TRRAP: variants seen among roughly 807,000 people sequenced by gnomAD.
TRRAP encodes transformation/transcription domain-associated protein.
In TRRAP, 41 loss-of-function variants were observed where a neutral mutation model predicts 438.8. The observed-to-expected ratio is 0.09, with a 90% CI of 0.07 to 0.12. TRRAP has a LOEUF of 0.12. TRRAP is among the 10% of genes least tolerant of loss of function. The pLI is 1.00. For missense variants in TRRAP, 3,122 were observed against 5,055.1 expected (o/e 0.62, Z 11.60); for synonymous variants, 1,994 against 1,962.9 (o/e 1.02, Z -0.42).
At chr7:98,879,777 C>T (rs1002405809) in intron 1 of TRRAP, among the ~76,000 whole-genome samples, 1 of 152,168 alleles carries the variant, frequency 6.6e-6, no homozygotes, top group Non-Finnish European at 1.5e-5. Context: ...ATGCTCTCTG[C>T]ATGGAAGAAG....
In TRRAP at chr7:98,915,753, A is replaced by G. The variant is rs1415048370; in HGVS notation, c.2230A>G (p.Met744Val). Residue 744 changes from methionine (M) to valine (V), a missense_variant, in exon 19 of 73, where the codon ATG becomes GTG. Transcript: ENST00000456197. ...PHLHKIVNSS[M>V]ELAQTAKEPY... Reference sequence around the variant, plus strand: ...CTTGCACAAGATTGTGAACAGCTCTATGGAGCTCGCGCAGACTGCCAAGGA... The same window carrying G: ...CTTGCACAAGATTGTGAACAGCTCTGTGGAGCTCGCGCAGACTGCCAAGGA... 6 of 1,613,938 alleles carry G rather than the reference A, an allele frequency of 3.7e-6. No homozygotes were observed. Among genetic ancestry groups the G allele is most frequent in the African/African-American group, 1.3e-5 (1 of 74,910 alleles).
chr7:98,995,498 G>T (rs1793611365), intron 67 of TRRAP, among the ~76,000 whole-genome samples: 1 of 152,068 alleles, frequency 6.6e-6, no homozygotes, highest in Non-Finnish European at 1.5e-5. Context: ...TATTTTCAAT[G>T]CTTGTCTGTA....
intron 67 of TRRAP, chr7:98,999,757 G>A: frequency 1.6e-6 from 1 of 631,634 alleles, no homozygotes. Context: ...ACTATTCTGG[G>A]GGCACTCATC....
At chr7:98,934,486 G>A (rs1370991698) in intron 27 of TRRAP, among the ~76,000 whole-genome samples, 1 of 152,194 alleles carries the variant, frequency 6.6e-6, no homozygotes, top group Non-Finnish European at 1.5e-5. Context: ...AGAGACAGAT[G>A]TATTTTAACC....
Position 98,945,812 on chromosome 7 carries a change from C to T in TRRAP, c.4527+12C>T, listed in dbSNP as rs782607266. On this transcript the variant is annotated intron_variant, in intron 32 of 72. Transcript: ENST00000456197. ...TCTGTCAGTTTGAGGTGAGAACAACCTATTAACAGTCAGTTTCTGACTTGC... is the reference window on the plus strand; with the variant it reads ...TCTGTCAGTTTGAGGTGAGAACAACTTATTAACAGTCAGTTTCTGACTTGC... The T allele has an allele frequency of 1.0e-5, 16 of 1,597,530 alleles. No homozygotes were observed. Among genetic ancestry groups the T allele is most frequent in the Non-Finnish European group, 1.4e-5 (16 of 1,179,512 alleles).
Position 98,956,394 on chromosome 7 carries a change from T to G in TRRAP, c.6097-5T>G, listed in dbSNP as rs1047286675. 8 of 1,613,692 alleles carry G rather than the reference T, an allele frequency of 5.0e-6. No homozygotes were observed. The African/African-American group carries it at 1.1e-4, about 22-fold the overall frequency. ...AGTAAAACCAAGCGCCTGTGTGTTT[T>G]TAAGCCGGATTCAGATATGGACCCA... On this transcript the variant is annotated splice_region_variant and splice_polypyrimidine_tract_variant and intron_variant, in intron 42 of 72. Coordinates refer to ENST00000456197, the MANE Select transcript of TRRAP (RefSeq NM_001375524.1). This position sits in a 1 kb window ranked among gnomAD's most constrained non-coding sequence, Gnocchi z 4.5.
rs1212138342 is a variant in TRRAP at position 98,976,669 on chromosome 7, A to T, written c.8146A>T (p.Met2716Leu). ...CAACCTCTGGTTCCGGTCCACGCTG[A>T]TGTTGGAGCACCAGGCTTTTGAAAA... The part of the protein sequence containing the change: ...THNLWFRSTL[M>L]LEHQAFEKGL... Residue 2716 changes from methionine (M) to leucine (L), a missense_variant, in exon 55 of 73, where the codon ATG (methionine) becomes TTG (leucine). Met to Leu is a conservative substitution (Grantham distance 15). Coordinates refer to ENST00000456197, the MANE Select transcript of TRRAP (RefSeq NM_001375524.1). This position sits in a 1 kb window ranked among gnomAD's most constrained non-coding sequence, Gnocchi z 4.6. The T allele has an allele frequency of 3.1e-6, 5 of 1,614,170 alleles. No homozygotes were observed. The highest frequency in any genetic ancestry group is 1.7e-5 in the Admixed American group (1 of 60,024).
chr7:98,932,878 C>T (rs578170776), intron 26 of TRRAP, among the ~76,000 whole-genome samples: 1 of 152,220 alleles, frequency 6.6e-6, no homozygotes, highest in Admixed American at 6.5e-5. Flanking sequence ...TACCGTTGTG[C>T]CTGCTCTTTA....
At chr7:98,987,066 C>G (rs1793183577) in intron 62 of TRRAP, among the ~76,000 whole-genome samples, 1 of 152,174 alleles carries the variant, frequency 6.6e-6, no homozygotes, top group Non-Finnish European at 1.5e-5. Flanking sequence ...GGGAGGATCA[C>G]TTGAGCCCAG....
intron 70 of TRRAP, among the ~76,000 whole-genome samples, chr7:99,008,880 A>G (rs552876521): frequency 6.6e-6 from 1 of 152,338 alleles, no homozygotes; most frequent in Non-Finnish European, 1.5e-5. Flanking sequence ...TGGCAGGCTC[A>G]CTTGACAGCC....
chr7:98,983,532 G>GTGTTT, intron 60 of TRRAP, 73 bp downstream of exon 60: 2 of 1,562,320 alleles, frequency 1.3e-6, no homozygotes, highest in Non-Finnish European at 1.7e-6. Flanking sequence ...TTTCGTCTCT[G>GTGTTT]TGTTTTGGTT....
At chr7:99,010,902 C>A in intron 70 of TRRAP, 150 bp from the exon 71 acceptor site, 1 of 815,270 alleles carries the variant, frequency 1.2e-6, no homozygotes, top group Non-Finnish European at 2.0e-6. Flanking sequence ...CGCCTTCAGT[C>A]TCCTAACAAT....
chr7:98,970,439 T>A, intron 52 of TRRAP, 148 bp downstream of exon 52: 1 of 983,968 alleles, frequency 1.0e-6, no homozygotes. Flanking sequence ...ACGGGCAGAA[T>A]CCCAGAGGAG....
At chr7:98,939,217 T>A (rs1554415016) in intron 30 of TRRAP, among the ~76,000 whole-genome samples, 1 of 152,254 alleles carries the variant, frequency 6.6e-6, no homozygotes, top group Non-Finnish European at 1.5e-5. Context: ...GCTACTTTTT[T>A]ATTTTTGGTG....
At chr7:98,933,182 A>C in intron 26 of TRRAP, 59 bp from the exon 27 acceptor site, 24 of 1,501,912 alleles carry the variant, frequency 1.6e-5, no homozygotes, top group Non-Finnish European at 2.1e-5. Flanking sequence ...ACATTTTTAA[A>C]AAGTGTTTGT....
At chr7:98,961,581 C>A in intron 46 of TRRAP, 107 bp downstream of exon 46, 1 of 1,339,078 alleles carries the variant, frequency 7.5e-7, no homozygotes, top group Non-Finnish European at 1.0e-6. Context: ...GCTTTGTTAT[C>A]ACTTTCCTTT....
intron 53 of TRRAP, among the ~76,000 whole-genome samples, chr7:98,975,507 CAA>C (rs375437699): frequency 1.2e-4 from 18 of 152,350 alleles, no homozygotes; most frequent in African/African-American, 4.1e-4. Flanking sequence ...TCTTCAAAAA[CAA>C]GAGGGCTGGG....
chr7:98,948,343 A>G lies in TRRAP; in HGVS notation c.4668+3A>G. On this transcript the variant is annotated splice_donor_region_variant and intron_variant, in intron 34 of 72. Coordinates refer to ENST00000456197, the MANE Select transcript of TRRAP (RefSeq NM_001375524.1). This position sits in a 1 kb window ranked among gnomAD's most constrained non-coding sequence, Gnocchi z 4.9. The stretch of plus-strand genomic sequence containing the variant: ...CGGAGCGGGCGATGCTGATCGAGGT[A>G]AGGGCCATACTGAAGGCTGCTTCTC... 1 of 1,614,152 alleles carries G rather than the reference A, an allele frequency of 6.2e-7. No homozygotes were observed. The highest frequency in any genetic ancestry group is 1.3e-5 in the African/African-American group (1 of 75,036).
chr7:98,930,533 A>C (rs782116900), intron 24 of TRRAP, 100 bp from the exon 25 acceptor site: 4 of 1,460,836 alleles, frequency 2.7e-6, no homozygotes, highest in Non-Finnish European at 3.8e-6. Context: ...AGCCGAGATC[A>C]CACCATTGCA....
Sources: allele counts gnomAD v4.1 joint callset (sites outside exome capture counted in the v4.1 genomes callset), GRCh38; gene constraint gnomAD v4.1.1; non-coding constraint Gnocchi (gnomAD v3.1); transcripts MANE v1.5; gene names NCBI Gene and HGNC (gene_info 2026-07-23, HGNC 2026-07-21).